RXRA: variants seen among roughly 807,000 people sequenced by gnomAD.
The protein encoded by RXRA is retinoid X receptor alpha.
A neutral mutation model predicts 44.5 loss-of-function variants in RXRA; 5 were observed. The observed-to-expected ratio is 0.11, with a 90% CI of 0.06 to 0.24. RXRA has a LOEUF of 0.24. RXRA is among the 10% of genes least tolerant of loss of function. The probability of loss-of-function intolerance (pLI) is 1.00; values close to 1 mark genes in which losing one functional copy is unlikely to be tolerated. For missense variants in RXRA, 412 were observed against 646.5 expected, an observed-to-expected ratio of 0.64 and a Z score of 3.93; for synonymous variants, 291 against 271.4, an observed-to-expected ratio of 1.07 and a Z score of -0.71.
intron 1 of RXRA, among the ~76,000 whole-genome samples, chr9:134,335,669 G>A (rs1313204312): frequency 3.3e-5 from 5 of 152,114 alleles, no homozygotes; most frequent in East Asian, 1.9e-4. Flanking sequence ...GGTGGGCCTC[G>A]CTGCAGCCTG....
chr9:134,337,713 C>T (rs1055351953), intron 1 of RXRA, among the ~76,000 whole-genome samples: 3 of 152,140 alleles, frequency 2.0e-5, no homozygotes, highest in Admixed American at 6.5e-5. Context: ...CGTCCTCACA[C>T]CTGTGTCTTC....
chr9:134,379,930 G>A (rs1164606799), intron 1 of RXRA: 1 of 985,198 alleles, frequency 1.0e-6, no homozygotes, highest in African/African-American at 1.7e-5. Context: ...CTGGGTCTGA[G>A]ACTCTGGCCT....
At chr9:134,421,963 C>T in intron 6 of RXRA, 158 bp downstream of exon 6, 6 of 1,511,644 alleles carry the variant, frequency 4.0e-6, no homozygotes, top group Non-Finnish European at 5.3e-6. Context: ...GGGACACTCC[C>T]CTCTCCTGGG....
At position 134,401,789 on chromosome 9, in the gene RXRA, C is replaced by T. The variant is rs752259731; in HGVS notation, c.186C>T (p.Gly62=). 1.2e-6 allele frequency: 2 copies of T among 1,613,162 alleles called. No individual in the cohort carries two copies. Among genetic ancestry groups the T allele is most frequent in the Non-Finnish European group, 1.7e-6 (2 of 1,179,898 alleles). ...TGAGCTCCCCCATCAACGGCATGGG[C>T]CCGCCTTTCTCGGTCATCAGCTCCC... ...STLSSPINGM[G]PPFSVISSPM... is the part of the protein sequence containing the mutation. The change falls in exon 2 of 10, where the codon GGC becomes GGT. Residue 62 remains glycine (G), a synonymous_variant. Coordinates refer to ENST00000481739, the MANE Select transcript of RXRA (RefSeq NM_002957.6).
chr9:134,419,209 G>C (rs1831287716), intron 5 of RXRA, among the ~76,000 whole-genome samples: 3 of 152,244 alleles, frequency 2.0e-5, no homozygotes, highest in Admixed American at 2.0e-4. Context: ...GGGCAGGGGA[G>C]GGAGGGTGGC....
At chr9:134,389,093 G>A (rs35079168) in intron 1 of RXRA, among the ~76,000 whole-genome samples, 80,460 of 152,030 alleles carry the variant, frequency 0.53, 23,223 homozygotes, top group East Asian at 0.73. Context: ...GGTCCTCCTC[G>A]GAGAGTCACA....
rs545642850 is a variant in RXRA, at chr9:134,407,938, G to A, written c.280-211G>A. 6.6e-6 allele frequency among the ~76,000 whole-genome samples: 1 copy of A among 151,966 alleles called. No individual in the cohort carries two copies. Among genetic ancestry groups the A allele is most frequent in the Non-Finnish European group, 1.5e-5 (1 of 67,942 alleles). On this transcript the variant is annotated intron_variant, in intron 2 of 9. Coordinates refer to ENST00000481739, the MANE Select transcript of RXRA (RefSeq NM_002957.6). This position sits in a 1 kb window ranked among gnomAD's most constrained non-coding sequence, Gnocchi z 4.8. The stretch of plus-strand genomic sequence containing the variant: ...GGGTCTGCTGCGGGCGAGTCCTGAG[G>A]TTGCCACAGCCTCTGCTGGCCTTGC...
intron 1 of RXRA, among the ~76,000 whole-genome samples, chr9:134,392,841 G>A (rs1830820453): frequency 6.6e-6 from 1 of 152,132 alleles, no homozygotes; most frequent in South Asian, 2.1e-4. Flanking sequence ...GTTTGTGCCA[G>A]TCGTGGGAGT....
chr9:134,356,760 T>A (rs1022531895), intron 1 of RXRA, among the ~76,000 whole-genome samples: 5 of 152,218 alleles, frequency 3.3e-5, no homozygotes, highest in Non-Finnish European at 5.9e-5. Flanking sequence ...GGTGACAAGC[T>A]TCTCTGGTGG....
chr9:134,420,080 T>TGGCC (rs1831303846), intron 5 of RXRA, among the ~76,000 whole-genome samples: 1 of 151,968 alleles, frequency 6.6e-6, no homozygotes, highest in Non-Finnish European at 1.5e-5. Flanking sequence ...CTTCCGAGAG[T>TGGCC]GGCCGGCTAG....
chr9:134,373,756 C>A (rs1017570653), intron 1 of RXRA, among the ~76,000 whole-genome samples: 1 of 152,378 alleles, frequency 6.6e-6, no homozygotes, highest in Non-Finnish European at 1.5e-5. Flanking sequence ...CAGCCGATAG[C>A]CAGGTTCCTG....
chr9:134,425,541 C>A (rs1831417856), intron 6 of RXRA: 1 of 627,714 alleles, frequency 1.6e-6, no homozygotes. Flanking sequence ...TGCGTGGCGG[C>A]AGGGTGGGGG....
chr9:134,363,720 G>A (rs911436218), intron 1 of RXRA, among the ~76,000 whole-genome samples: 23 of 152,116 alleles, frequency 1.5e-4, no homozygotes, highest in African/African-American at 3.6e-4. Context: ...TGGCCAGTGC[G>A]TCTCCCAGTC....
At chr9:134,347,939 G>A (rs1588256047) in intron 1 of RXRA, among the ~76,000 whole-genome samples, 1 of 152,270 alleles carries the variant, frequency 6.6e-6, no homozygotes, top group African/African-American at 2.4e-5. Context: ...CGGTGAGGAT[G>A]GACCCCAGGG....
intron 6 of RXRA, chr9:134,425,729 G>C: frequency 1.0e-6 from 1 of 985,368 alleles, no homozygotes; most frequent in Non-Finnish European, 1.2e-6. Context: ...CCAGAACACA[G>C]GGTAAGCCAG....
chr9:134,394,174 T>G (rs1167241992), intron 1 of RXRA, among the ~76,000 whole-genome samples: 1 of 532 alleles, frequency 1.9e-3, no homozygotes, highest in African/African-American at 6.7e-3. Flanking sequence ...GTGATCATGG[T>G]GGTGATGATG....
At chr9:134,395,672 G>A (rs944975293) in intron 1 of RXRA, among the ~76,000 whole-genome samples, 1 of 152,212 alleles carries the variant, frequency 6.6e-6, no homozygotes, top group Non-Finnish European at 1.5e-5. Flanking sequence ...TGGCCGAGGT[G>A]GGGGGCTGGA....
At chr9:134,364,868 T>C (rs1461383373) in intron 1 of RXRA, among the ~76,000 whole-genome samples, 1 of 152,188 alleles carries the variant, frequency 6.6e-6, no homozygotes, top group East Asian at 1.9e-4. Flanking sequence ...GCGTGGACTT[T>C]GGCATCCCAG....
At chr9:134,361,516 C>CA (rs2119063470) in intron 1 of RXRA, among the ~76,000 whole-genome samples, 1 of 152,302 alleles carries the variant, frequency 6.6e-6, no homozygotes, top group East Asian at 1.9e-4. Context: ...GTGCGGGTGA[C>CA]AGATGAGGCC....
Sources: allele counts gnomAD v4.1 joint callset (sites outside exome capture counted in the v4.1 genomes callset), GRCh38; gene constraint gnomAD v4.1.1; non-coding constraint Gnocchi (gnomAD v3.1); transcripts MANE v1.5; gene names NCBI Gene and HGNC (gene_info 2026-07-23, HGNC 2026-07-21).